FHIP2A: variants seen among roughly 807,000 people sequenced by gnomAD.
The protein encoded by FHIP2A is family with sequence similarity 160 member B1.
A neutral mutation model predicts 93.5 loss-of-function variants in FHIP2A; 46 were observed. The observed-to-expected ratio is 0.49, with a 90% CI of 0.39 to 0.63. The LOEUF (loss-of-function observed/expected upper bound fraction) is 0.63. Ranked by LOEUF, FHIP2A falls within the 20% of genes least tolerant of loss-of-function variation. FHIP2A has a pLI of 0.00. For synonymous variants in FHIP2A, 332 were observed against 326.5 expected (o/e 1.02, Z -0.18); for missense variants, 769 against 909.7 (o/e 0.85, Z 1.99).
chr10:114,836,116 T>C lies in FHIP2A; in HGVS notation c.400-8T>C. 1 of 1,551,688 alleles carries C rather than the reference T, an allele frequency of 6.4e-7. No individual in the cohort carries two copies. Among genetic ancestry groups the C allele is most frequent in the Non-Finnish European group, 8.8e-7 (1 of 1,139,564 alleles). ...AGTTTAAAAAGTTAAAAACAATTGTTTTCACAGAAATTAATTAGACTCTGT... is the reference window on the plus strand; with the variant it reads ...AGTTTAAAAAGTTAAAAACAATTGTCTTCACAGAAATTAATTAGACTCTGT... On this transcript the variant is annotated splice_polypyrimidine_tract_variant and splice_region_variant and intron_variant, in intron 4 of 16. Coordinates refer to ENST00000369248, the MANE Select transcript of FHIP2A (RefSeq NM_020940.4).
chr10:114,882,485 G>A (rs572149494), intron 16 of FHIP2A, among the ~76,000 whole-genome samples: 1 of 152,338 alleles, frequency 6.6e-6, no homozygotes, highest in African/African-American at 2.4e-5. Context: ...ATTCCAAGAA[G>A]TGCTAGGCAG....
At position 114,841,712 on chromosome 10, in the gene FHIP2A, A is replaced by T. The variant is rs569036373; in HGVS notation, c.523-1221A>T. On this transcript the variant is annotated intron_variant, in intron 5 of 16. Transcript: ENST00000369248. ...TCTCAAGAAGATTGGTCTAACCTAT[A>T]CTTTTAACAGCAATAAAAGTGATTT... 6.6e-4 allele frequency among the ~76,000 whole-genome samples: 101 copies of T among 152,306 alleles called. 3 individuals are homozygous for T. In the South Asian group the frequency reaches 0.021, roughly 31 times the overall value.
chr10:114,838,919 T>G (rs1238596009), intron 5 of FHIP2A, among the ~76,000 whole-genome samples: 1 of 152,208 alleles, frequency 6.6e-6, no homozygotes, highest in Non-Finnish European at 1.5e-5. Flanking sequence ...ACTATTCATA[T>G]GTGTTTAATG....
chr10:114,877,350 A>T (rs2083894892), intron 16 of FHIP2A, among the ~76,000 whole-genome samples: 1 of 152,200 alleles, frequency 6.6e-6, no homozygotes, highest in African/African-American at 2.4e-5. Context: ...ACTGGAACCC[A>T]TGCAGCTCCT....
At chr10:114,875,501 C>T (rs544692676) in intron 16 of FHIP2A, among the ~76,000 whole-genome samples, 23 of 152,084 alleles carry the variant, frequency 1.5e-4, no homozygotes, top group African/African-American at 5.3e-4. Context: ...TCAAGATCAG[C>T]CTAGCCAACA....
chr10:114,871,042 A>G (rs1443257158), intron 16 of FHIP2A, among the ~76,000 whole-genome samples: 1 of 150,564 alleles, frequency 6.6e-6, no homozygotes, highest in East Asian at 1.9e-4. Flanking sequence ...ATACACATAC[A>G]TATACATACA....
At chr10:114,822,744 T>C (rs913673699) in intron 1 of FHIP2A, among the ~76,000 whole-genome samples, 3 of 152,240 alleles carry the variant, frequency 2.0e-5, no homozygotes, top group African/African-American at 7.2e-5. Context: ...TGATCTGAAA[T>C]AGGAGTTTGG....
intron 5 of FHIP2A, among the ~76,000 whole-genome samples, chr10:114,840,218 A>G (rs1259763350): frequency 6.6e-6 from 1 of 152,210 alleles, no homozygotes; most frequent in Non-Finnish European, 1.5e-5. Flanking sequence ...GCAAGACCTC[A>G]TCTCTATAAA....
Position 114,846,713 on chromosome 10 carries a change from T to G in FHIP2A, c.1553T>G (p.Leu518Trp), listed in dbSNP as rs759774064. 6.2e-7 allele frequency: 1 copy of G among 1,600,824 alleles called. No individual in the cohort carries two copies. The highest frequency in any genetic ancestry group is 8.5e-7 in the Non-Finnish European group (1 of 1,176,462). Residue 518 changes from leucine (L) to tryptophan (W), a missense_variant, in exon 11 of 17, where the codon TTG (leucine) becomes TGG (tryptophan). Physicochemically the swap from Leu to Trp is moderately conservative, Grantham distance 61. Transcript: ENST00000369248. ...GATAAAGATGTGGTAGAAAATGGATTGATAGCAGGAGCAGTGTAAGTTTCC... is the reference window on the plus strand; with the variant it reads ...GATAAAGATGTGGTAGAAAATGGATGGATAGCAGGAGCAGTGTAAGTTTCC... Reference protein sequence around the residue: ...PEDKDVVENGLIAGAVDLEED... With the variant: ...PEDKDVVENGWIAGAVDLEED...
In FHIP2A at chr10:114,892,620, AGAGC is replaced by A. The variant is rs547519573; in HGVS notation, c.2193-6866_2193-6863del. ...GCCACTGCACTCCAGCCTGGGTGAC[AGAGC>A]GAGATTCTGTCTCAAAATAATAATA... On this transcript the variant is annotated intron_variant, in intron 16 of 16. Transcript: ENST00000369250. Among the ~76,000 whole-genome samples, 24 of 152,320 alleles carry A rather than the reference AGAGC, an allele frequency of 1.6e-4. No homozygotes were observed. The East Asian group carries it at 4.6e-3, about 29-fold the overall frequency.
chr10:114,868,095 T>G (rs1326420188), downstream of FHIP2A, among the ~76,000 whole-genome samples: 4 of 151,988 alleles, frequency 2.6e-5, no homozygotes, highest in South Asian at 2.1e-4. Flanking sequence ...GGCCAGCTAT[T>G]TTTATTTTTG....
At chr10:114,849,055 T>C (rs908425728) in intron 13 of FHIP2A, among the ~76,000 whole-genome samples, 3 of 133,464 alleles carry the variant, frequency 2.2e-5, no homozygotes, top group African/African-American at 8.8e-5. Flanking sequence ...GGCAGGAGAA[T>C]CGCTTGAACC....
At chr10:114,869,302 C>A (rs2083845633), downstream of FHIP2A, among the ~76,000 whole-genome samples, 1 of 152,174 alleles carries the variant, frequency 6.6e-6, no homozygotes, top group African/African-American at 2.4e-5. Context: ...ATTAGCCATT[C>A]CTTAAACATT....
intron 16 of FHIP2A, among the ~76,000 whole-genome samples, chr10:114,874,892 T>C (rs7072356): frequency 0.32 from 48,385 of 152,152 alleles, 8,280 homozygotes; most frequent in Non-Finnish European, 0.39. Flanking sequence ...TGGATATAGA[T>C]TTCTCCTTTC....
chr10:114,863,162 CAA>C lies in FHIP2A; in HGVS notation c.*1624_*1625del, dbSNP rs753733861. 1.0e-4 allele frequency: 98 copies of C among 977,754 alleles called. No homozygotes were observed. Among genetic ancestry groups the C allele is most frequent in the Non-Finnish European group, 1.1e-4 (94 of 823,176 alleles). The allele number at this position is 977,754 out of a possible 1,614,324, so 60.6% of individuals were successfully genotyped here. A position where few individuals can be genotyped will look rare whatever the true frequency, so the allele number is the denominator to read the frequency against. On this transcript the variant is annotated 3_prime_UTR_variant, in exon 17 of 17. Coordinates refer to ENST00000369248, the MANE Select transcript of FHIP2A (RefSeq NM_020940.4). Reference sequence around the variant, plus strand: ...ATTCTAAGAAATTTATTAAGTAAAACAAAGAAAAAACAGAAGTGGGAGATAGT... The same window carrying C: ...ATTCTAAGAAATTTATTAAGTAAAACAGAAAAAACAGAAGTGGGAGATAGT...
rs1034144471 is a variant in FHIP2A, at chr10:114,864,533, G to A, written c.*2993G>A. 1 of 985,616 alleles carries A rather than the reference G, an allele frequency of 1.0e-6. No individual in the cohort carries two copies. 61.1% of individuals were successfully genotyped at this position (985,616 alleles called of 1,614,324 possible). A position where few individuals can be genotyped will look rare whatever the true frequency, so the allele number is the denominator to read the frequency against. ...ATTTTTTTGTATTGAAAGTTGTGTA[G>A]GTTACTGACAGTGTTACCAGCGTCT... is the stretch of plus-strand genomic sequence containing the variant. On this transcript the variant is annotated 3_prime_UTR_variant, in exon 17 of 17. Coordinates refer to ENST00000369248, the MANE Select transcript of FHIP2A (RefSeq NM_020940.4).
chr10:114,855,379 TG>T (rs1251810577), intron 14 of FHIP2A, 39 bp downstream of exon 14: 24 of 1,542,208 alleles, frequency 1.6e-5, no homozygotes, highest in South Asian at 3.5e-5. Flanking sequence ...TATTTTTTTT[TG>T]CCATTCACCA....
intron 16 of FHIP2A, among the ~76,000 whole-genome samples, chr10:114,886,281 T>C (rs1016905657): frequency 1.3e-5 from 2 of 152,140 alleles, no homozygotes; most frequent in African/African-American, 4.8e-5. Context: ...GCCACCCAAT[T>C]ATTATGTGGG....
intron 1 of FHIP2A, among the ~76,000 whole-genome samples, chr10:114,824,237 A>G (rs1015850146): frequency 3.3e-5 from 5 of 152,220 alleles, no homozygotes; most frequent in African/African-American, 1.2e-4. Flanking sequence ...TAGTATTTAC[A>G]GAAATAAGTA....
Sources: gnomAD v4.1 joint callset for allele counts (sites outside exome capture counted in the v4.1 genomes callset) on GRCh38, gnomAD v4.1.1 for gene constraint, MANE v1.5 for transcripts, NCBI Gene and HGNC (gene_info 2026-07-23, HGNC 2026-07-21) for gene names.